Variants in ZNF528 observed in about 807,000 individuals in gnomAD.
ZNF528 encodes zinc finger protein 528.
ZNF528 carries 9 observed loss-of-function variants against 13.3 expected under a neutral mutation model. The observed-to-expected ratio is 0.67, with a 90% CI of 0.41 to 1.18. ZNF528 has a LOEUF of 1.18. ZNF528 is among the 50% of genes most tolerant of loss of function. The pLI is 0.01. For missense variants in ZNF528, 858 were observed against 745.4 expected (o/e 1.15, Z -1.76); for synonymous variants, 264 against 254.3 (o/e 1.04, Z -0.36).
At chr19:52,410,385 G>A (rs2058915665) in intron 6 of ZNF528, among the ~76,000 whole-genome samples, 1 of 152,182 alleles carries the variant, frequency 6.6e-6, no homozygotes, top group Non-Finnish European at 1.5e-5. Flanking sequence ...TTTACAGCAG[G>A]CTTGCAAGAC....
At position 52,416,277 on chromosome 19, in the gene ZNF528, G is replaced by A; in HGVS notation, c.1425G>A (p.Arg475=). Reference sequence around the variant, plus strand: ...GTAAAGAATGTGGCAAAGTCTTCAGGTACAAGTCTTCTCTAACCAGTCATC... The same window carrying A: ...GTAAAGAATGTGGCAAAGTCTTCAGATACAAGTCTTCTCTAACCAGTCATC... ...YECKECGKVF[R]YKSSLTSHHR... The change falls in exon 7 of 7, where the codon AGG becomes AGA. Residue 475 remains arginine, a synonymous_variant. Coordinates refer to ENST00000360465, the MANE Select transcript of ZNF528 (RefSeq NM_032423.3). 1.9e-6 allele frequency: 3 copies of A among 1,613,466 alleles called. No individual in the cohort carries two copies. The highest frequency in any genetic ancestry group is 2.5e-6 in the Non-Finnish European group (3 of 1,179,838).
At chr19:52,413,090 TC>T (rs1375269803) in intron 6 of ZNF528, 2 of 152,206 alleles carry the variant, frequency 1.3e-5, no homozygotes, top group African/African-American at 4.8e-5. Context: ...TGCATAGGGC[TC>T]CTACAACCCT....
chr19:52,404,311 T>C (rs2058829495), intron 4 of ZNF528, among the ~76,000 whole-genome samples: 1 of 152,154 alleles, frequency 6.6e-6, no homozygotes, highest in South Asian at 2.1e-4. Flanking sequence ...CGCTGCAACC[T>C]CCGCCTCCCG....
Position 52,398,636 on chromosome 19 carries a change from C to T in ZNF528, c.-137+17C>T. On this transcript the variant is annotated intron_variant, in intron 2 of 6. Transcript: ENST00000360465. ...AAGTAGAAGGTGAGTGAGGGGTTTG[C>T]AGAGGCACAGTGAAAGAAGGTGCCG... The T allele has an allele frequency of 1.0e-6, 1 of 984,294 alleles. No homozygotes were observed. The highest frequency in any genetic ancestry group is 1.2e-6 in the Non-Finnish European group (1 of 828,932). 61.0% of individuals were successfully genotyped at this position (984,294 alleles called of 1,614,324 possible). A position where few individuals can be genotyped will look rare whatever the true frequency, so the allele number is the denominator to read the frequency against.
At chr19:52,402,346 T>C (rs1599815284) in intron 4 of ZNF528, 1 of 482,296 alleles carries the variant, frequency 2.1e-6, no homozygotes, top group East Asian at 3.5e-5. Context: ...CTGGATGCAC[T>C]GTCAGTGTTC....
rs370925320 is a variant in ZNF528, at chr19:52,410,201, A to G, written c.271+3558A>G. Among the ~76,000 whole-genome samples, 19 of 152,352 alleles carry G rather than the reference A, an allele frequency of 1.2e-4. No individual in the cohort carries two copies. In the East Asian group the frequency reaches 3.1e-3, roughly 25 times the overall value. ...CCACCTGCATGGACCTTGGGGGACTAAACAAAGGGAACAAATGTGGGAATA... is the reference window on the plus strand; with the variant it reads ...CCACCTGCATGGACCTTGGGGGACTGAACAAAGGGAACAAATGTGGGAATA... On this transcript the variant is annotated intron_variant, in intron 6 of 6. Coordinates refer to ENST00000360465, the MANE Select transcript of ZNF528 (RefSeq NM_032423.3).
chr19:52,403,592 G>A lies in ZNF528; in HGVS notation c.15+1564G>A, dbSNP rs571275656. On this transcript the variant is annotated intron_variant, in intron 4 of 6. Transcript: ENST00000360465. The stretch of plus-strand genomic sequence containing the variant: ...GGAGAATCGCTTCAGCCTCAGAGGT[G>A]GAGATTGTGGTGAGCCAAGATTGTG... Among the ~76,000 whole-genome samples the A allele has an allele frequency of 8.0e-5, 12 of 150,804 alleles. No homozygotes were observed. In the South Asian group the frequency reaches 1.5e-3, roughly 19 times the overall value.
chr19:52,407,754 T>C (rs901152292), intron 6 of ZNF528, among the ~76,000 whole-genome samples: 24 of 152,146 alleles, frequency 1.6e-4, no homozygotes, highest in African/African-American at 5.5e-4. Context: ...CTAGCTTGGG[T>C]GACAGAGTGA....
At position 52,415,613 on chromosome 19, in the gene ZNF528, C is replaced by G. The variant is rs769388828; in HGVS notation, c.761C>G (p.Ser254Ter). 1 of 1,614,170 alleles carries G rather than the reference C, an allele frequency of 6.2e-7. No homozygotes were observed. ...HECGKLFSSN[S>*]NLSQHQRIHT... The stretch of plus-strand genomic sequence containing the variant: ...TGTGGCAAGCTCTTCAGTAGCAATT[C>G]AAACCTTTCACAACATCAAAGAATT... The change falls in exon 7 of 7, where the codon TCA becomes TGA. Residue 254 changes from serine to a stop codon, truncating the protein, a stop_gained. Transcript: ENST00000360465. LOFTEE classifies it low-confidence loss of function (END_TRUNC).
rs1156326821 is a variant in ZNF528, at chr19:52,405,217, C to CAA, written c.16-675_16-674dup. Among the ~76,000 whole-genome samples, 26 of 101,176 alleles carry CAA rather than the reference C, an allele frequency of 2.6e-4. No homozygotes were observed. In the East Asian group the frequency reaches 4.1e-3, roughly 16 times the overall value. The allele number at this position is 101,176 out of a possible 152,430, so 66.4% of individuals were successfully genotyped here. On this transcript the variant is annotated intron_variant, in intron 4 of 6. Coordinates refer to ENST00000360465, the MANE Select transcript of ZNF528 (RefSeq NM_032423.3). ...GGGCAAAAAGAGCGAAACACCATCT[C>CAA]AAAAAAAAAAAAAAAACCCAAAACT...
chr19:52,399,459 A>G (rs1402482210), intron 2 of ZNF528, among the ~76,000 whole-genome samples: 1 of 152,162 alleles, frequency 6.6e-6, no homozygotes. Flanking sequence ...AAATACAAAA[A>G]TTAGCTGGGC....
intron 6 of ZNF528, chr19:52,412,179 C>A (rs1166693734): frequency 6.6e-6 from 1 of 152,224 alleles, no homozygotes; most frequent in Admixed American, 6.5e-5. Context: ...TTCCTCATTT[C>A]TCCTTTTATG....
chr19:52,415,020 C>T (rs2058981210), intron 6 of ZNF528, 104 bp from the exon 7 acceptor site: 1 of 1,572,442 alleles, frequency 6.4e-7, no homozygotes, highest in African/African-American at 1.4e-5. Flanking sequence ...CCCTGATACT[C>T]CTACCAATGT....
At chr19:52,413,904 A>T in intron 6 of ZNF528, 1 of 283,806 alleles carries the variant, frequency 3.5e-6, no homozygotes, top group South Asian at 5.0e-5. Context: ...CCAATTTTCC[A>T]CATCAAGAGT....
At chr19:52,414,410 A>G (rs2058972657) in intron 6 of ZNF528, 2 of 675,472 alleles carry the variant, frequency 3.0e-6, no homozygotes, top group African/African-American at 1.8e-5. Context: ...CCTTCTAGTG[A>G]ACAAGGGCCC....
chr19:52,415,215 G>C lies in ZNF528; in HGVS notation c.363G>C (p.Gln121His). 1 of 1,614,060 alleles carries C rather than the reference G, an allele frequency of 6.2e-7. No homozygotes were observed. The highest frequency in any genetic ancestry group is 8.5e-7 in the Non-Finnish European group (1 of 1,180,022). Residue 121 changes from glutamine to histidine, a missense_variant, in exon 7 of 7, where the codon CAG becomes CAC. Physicochemically the swap from Gln to His is conservative, Grantham distance 24. Transcript: ENST00000360465. ...TTCAGTTACATCTGAGTGATCTACA[G>C]CTATTTCAAGCTGAAAGGAAAATTT... ...FTFQLHLSDL[Q>H]LFQAERKISG... is the part of the protein sequence containing the mutation.
chr19:52,414,957 G>A (rs1197631197), intron 6 of ZNF528, 167 bp from the exon 7 acceptor site: 2 of 1,531,342 alleles, frequency 1.3e-6, no homozygotes, highest in African/African-American at 1.4e-5. Flanking sequence ...CTGCTCCAAT[G>A]CATCACCTCA....
chr19:52,406,938 C>T (rs1406652195), intron 6 of ZNF528: 2 of 382,984 alleles, frequency 5.2e-6, no homozygotes, highest in Non-Finnish European at 9.2e-6. Flanking sequence ...AGACATTTTT[C>T]TTTATTTTCC....
At chr19:52,408,087 T>A (rs1434553396) in intron 6 of ZNF528, 1 of 152,180 alleles carries the variant, frequency 6.6e-6, no homozygotes, top group African/African-American at 2.4e-5. Flanking sequence ...ACAACTCTGC[T>A]CTTTCTGTTA....
Sources: allele counts gnomAD v4.1 joint callset (sites outside exome capture counted in the v4.1 genomes callset), GRCh38; gene constraint gnomAD v4.1.1; transcripts MANE v1.5; gene names NCBI Gene and HGNC (gene_info 2026-07-23, HGNC 2026-07-21).